The following HMGB1 variants were observed in gnomAD, a reference collection of about 807,000 sequenced individuals.
HMGB1 encodes high mobility group box 1.
For missense variants in HMGB1, 79 were observed against 253.5 expected (o/e 0.31, Z 4.67); for synonymous variants, 81 against 84.0 (o/e 0.96, Z 0.19).
chr13:30,468,802 T>C (rs1300478641), upstream of HMGB1, among the ~76,000 whole-genome samples: 1 of 152,246 alleles, frequency 6.6e-6, no homozygotes, highest in Non-Finnish European at 1.5e-5. Context: ...ATCTTGATGT[T>C]CCTTTATGAT....
Position 30,461,132 on chromosome 13 carries a change from T to C in HMGB1, c.*225A>G, listed in dbSNP as rs1217789620. On this transcript the variant is annotated 3_prime_UTR_variant, in exon 5 of 5. Coordinates refer to ENST00000341423, the MANE Select transcript of HMGB1 (RefSeq NM_002128.7). ...TTTCCATGCCAATTTACAACCCCCA[T>C]ACTGTACCAGGCAAGGTTAGTGGCT... 5.8e-5 allele frequency: 74 copies of C among 1,272,634 alleles called. 1 individual carries two copies. The highest frequency in any genetic ancestry group is 6.4e-5 in the Non-Finnish European group (64 of 1,005,418). The allele number at this position is 1,272,634 out of a possible 1,614,324, so 78.8% of individuals were successfully genotyped here. A position where few individuals can be genotyped will look rare whatever the true frequency, so the allele number is the denominator to read the frequency against.
At chr13:30,500,105 C>G (rs1307835018) in intron 1 of HMGB1, among the ~76,000 whole-genome samples, 1 of 152,116 alleles carries the variant, frequency 6.6e-6, no homozygotes, top group African/African-American at 2.4e-5. Flanking sequence ...GAGCCCTCTC[C>G]AGAGCAGGTT....
chr13:30,609,213 T>C (rs369462846), intron 1 of HMGB1, among the ~76,000 whole-genome samples: 10 of 152,110 alleles, frequency 6.6e-5, no homozygotes, highest in East Asian at 1.9e-4. Context: ...CAGTGAGCCA[T>C]TGCGCCACTG....
At chr13:30,538,631 TTTTC>T (rs1228493220) in intron 1 of HMGB1, among the ~76,000 whole-genome samples, 6 of 98,618 alleles carry the variant, frequency 6.1e-5, no homozygotes, top group Non-Finnish European at 1.1e-4. Context: ...CTCTCTTTCT[TTTTC>T]TTTCTTCCTT....
At chr13:30,569,224 G>A (rs1043739552) in intron 1 of HMGB1, among the ~76,000 whole-genome samples, 2 of 152,158 alleles carry the variant, frequency 1.3e-5, no homozygotes, top group African/African-American at 4.8e-5. Context: ...CTGTAGTTCT[G>A]CATTAAGCAA....
upstream of HMGB1, among the ~76,000 whole-genome samples, chr13:30,468,970 T>C (rs1886861355): frequency 6.6e-6 from 1 of 151,994 alleles, no homozygotes; most frequent in Non-Finnish European, 1.5e-5. Context: ...CTCAGCTCAC[T>C]GCAACCTCCA....
At chr13:30,479,097 C>T (rs1371972905) in intron 1 of HMGB1, among the ~76,000 whole-genome samples, 1 of 152,104 alleles carries the variant, frequency 6.6e-6, no homozygotes, top group African/African-American at 2.4e-5. Flanking sequence ...AGAAACTGTT[C>T]CCTATGGGGA....
chr13:30,488,793 A>G (rs528056665), intron 1 of HMGB1, among the ~76,000 whole-genome samples: 1 of 152,002 alleles, frequency 6.6e-6, no homozygotes, highest in East Asian at 1.9e-4. Flanking sequence ...TGCTGGGATT[A>G]CAGGTATGAG....
chr13:30,477,099 C>T (rs1204220989), intron 1 of HMGB1, among the ~76,000 whole-genome samples: 5 of 152,082 alleles, frequency 3.3e-5, no homozygotes, highest in South Asian at 2.1e-4. Flanking sequence ...AAAATAAAAA[C>T]GGTATCACAT....
At chr13:30,481,045 GT>G (rs1376337204) in intron 1 of HMGB1, among the ~76,000 whole-genome samples, 4 of 136,710 alleles carry the variant, frequency 2.9e-5, no homozygotes, top group Admixed American at 6.9e-5. Context: ...TCTTGTGTGT[GT>G]TTTTTTTTCT....
intron 1 of HMGB1, among the ~76,000 whole-genome samples, chr13:30,597,882 G>A (rs1435782613): frequency 6.6e-6 from 1 of 151,952 alleles, no homozygotes; most frequent in African/African-American, 2.4e-5. Flanking sequence ...CCTTTCCCTG[G>A]GCTCCTTTTT....
intron 1 of HMGB1, among the ~76,000 whole-genome samples, chr13:30,571,970 T>A (rs1486325710): frequency 2.6e-5 from 4 of 152,226 alleles, no homozygotes; most frequent in Non-Finnish European, 4.4e-5. Flanking sequence ...ATTGTGAGAC[T>A]ACACCTGAGG....
At chr13:30,602,102 T>C (rs1393413853) in intron 1 of HMGB1, among the ~76,000 whole-genome samples, 3 of 149,236 alleles carry the variant, frequency 2.0e-5, no homozygotes, top group Non-Finnish European at 3.0e-5. Flanking sequence ...TCACCGGGGA[T>C]ACCAGCACCA....
chr13:30,605,711 C>G (rs2137569027), intron 1 of HMGB1, among the ~76,000 whole-genome samples: 1 of 152,222 alleles, frequency 6.6e-6, no homozygotes, highest in Admixed American at 6.5e-5. Flanking sequence ...CCTTTTCTTG[C>G]AAAGCTCAGT....
At position 30,460,196 on chromosome 13, in the gene HMGB1, T is replaced by G. The variant is rs182881863; in HGVS notation, c.*1161A>C. On this transcript the variant is annotated 3_prime_UTR_variant, in exon 5 of 5. Transcript: ENST00000341423. Reference sequence around the variant, plus strand: ...GCAAAGTTTGTCTTCTTTCTTCCTATCTACTTGGATTTATAAAGGGGCAAA... The same window carrying G: ...GCAAAGTTTGTCTTCTTTCTTCCTAGCTACTTGGATTTATAAAGGGGCAAA... The G allele has an allele frequency of 1.4e-4, 22 of 152,526 alleles. 1 individual carries two copies. The highest frequency in any genetic ancestry group is 1.4e-3 in the Admixed American group (21 of 15,286). 9.4% of individuals were successfully genotyped at this position (152,526 alleles called of 1,614,324 possible). A position where few individuals can be genotyped will look rare whatever the true frequency, so the allele number is the denominator to read the frequency against.
intron 1 of HMGB1, among the ~76,000 whole-genome samples, chr13:30,529,028 CAAAAAAAAAAAAAAA>C (rs59654057): frequency 1.9e-5 from 1 of 53,514 alleles, no homozygotes; most frequent in Non-Finnish European, 3.5e-5. Context: ...GACTGCGTCT[CAAAAAAAAAAAAAAA>C]AAAAAAAAAA....
rs559176538 is a variant in HMGB1, at chr13:30,602,441, C to G, written c.-15+14230G>C. Among the ~76,000 whole-genome samples the G allele has an allele frequency of 3.9e-5, 6 of 152,292 alleles. No homozygotes were observed. In the South Asian group the frequency reaches 1.2e-3, roughly 32 times the overall value. On this transcript the variant is annotated intron_variant, in intron 1 of 4. Coordinates refer to the HMGB1 transcript ENST00000405805. ...CAAAGATTTGGAGCAGCATTTGTTA[C>G]ACAAAATTAGACAACTATTACAGTT...
intron 1 of HMGB1, among the ~76,000 whole-genome samples, chr13:30,564,618 A>G (rs1053291619): frequency 4.6e-5 from 7 of 152,320 alleles, no homozygotes; most frequent in African/African-American, 4.8e-5. Flanking sequence ...TTCTGCTGAG[A>G]TTTTTCTATT....
chr13:30,465,024 C>G (rs1886673192), intron 1 of HMGB1: 1 of 321,530 alleles, frequency 3.1e-6, no homozygotes, highest in Non-Finnish European at 4.4e-6. Flanking sequence ...CCGCCGCCCC[C>G]GCACGGAGAA....
Sources: gnomAD v4.1 joint callset for allele counts (sites outside exome capture counted in the v4.1 genomes callset) on GRCh38, gnomAD v4.1.1 for gene constraint, MANE v1.5 for transcripts, NCBI Gene and HGNC (gene_info 2026-07-23, HGNC 2026-07-21) for gene names.